The following NMUR2 variants were observed in gnomAD, a reference collection of about 807,000 sequenced individuals.
NMUR2 encodes neuromedin U receptor 2, also known as neuromedin-U receptor 2.
NMUR2 carries 24 observed loss-of-function variants against 25.1 expected under a neutral mutation model. The ratio of observed to expected loss-of-function variants is 0.96; its 90% CI spans 0.69 to 1.34. The LOEUF (loss-of-function observed/expected upper bound fraction) is 1.34, where lower values mean the gene tolerates loss of function less well. Ranked by LOEUF, NMUR2 falls within the 40% of genes most tolerant of loss-of-function variation. The pLI is 0.00. For synonymous variants in NMUR2, 218 were observed against 208.1 expected, an observed-to-expected ratio of 1.05 and a Z score of -0.41; for missense variants, 533 against 512.8, an observed-to-expected ratio of 1.04 and a Z score of -0.38.
At position 152,392,304 on chromosome 5, in the gene NMUR2, C is replaced by A. The variant is rs1440152915; in HGVS notation, c.1135G>T (p.Gly379Cys). ...GATGACTGACATGGGAATTGGGGAC[C>A]TATATCTTCGGTCAGCTCCACAAAG... ...CHFVELTEDI[G>C]PQFPCQSSMH... Residue 379 changes from glycine to cysteine, a missense_variant, in exon 4 of 4, where the codon GGT becomes TGT. Coordinates refer to ENST00000255262, the MANE Select transcript of NMUR2 (RefSeq NM_020167.5). 2.5e-6 allele frequency: 4 copies of A among 1,613,928 alleles called. No homozygotes were observed. Among genetic ancestry groups the A allele is most frequent in the South Asian group, 1.1e-5 (1 of 91,058 alleles).
At position 152,404,936 on chromosome 5, in the gene NMUR2, C is replaced by A. The variant is rs1364625033; in HGVS notation, c.178G>T (p.Val60Phe). The A allele has an allele frequency of 3.1e-6, 5 of 1,613,932 alleles. No homozygotes were observed. The highest frequency in any genetic ancestry group is 1.1e-5 in the South Asian group (1 of 91,068). Residue 60 changes from valine (V) to phenylalanine (F), a missense_variant, in exon 1 of 4, where the codon GTC becomes TTC. Physicochemically the swap from Val to Phe is conservative, Grantham distance 50. Coordinates refer to ENST00000255262, the MANE Select transcript of NMUR2 (RefSeq NM_020167.5). ...AGGCACACCAGGACATTGCCAATGA[C>A]CCCCACCACAAAAATTGGCACATAC... ...VVYVPIFVVGVIGNVLVCLVI... is the reference protein window; with the variant it reads ...VVYVPIFVVGFIGNVLVCLVI...
chr5:152,395,020 G>A lies in NMUR2; in HGVS notation c.937+439C>T, dbSNP rs182236858. Among the ~76,000 whole-genome samples, 6 of 152,166 alleles carry A rather than the reference G, an allele frequency of 3.9e-5. 1 individual carries two copies. In the East Asian group the frequency reaches 9.7e-4, roughly 25 times the overall value. On this transcript the variant is annotated intron_variant, in intron 3 of 3. Coordinates refer to ENST00000255262, the MANE Select transcript of NMUR2 (RefSeq NM_020167.5). ...CAATATACTATGGTATCCTCAACAA[G>A]CAGAGTTACAGTAGCCTAAAAGGAG...
chr5:152,395,426 C>T, intron 3 of NMUR2, 33 bp downstream of exon 3: 2 of 1,612,564 alleles, frequency 1.2e-6, no homozygotes, highest in Non-Finnish European at 1.7e-6. Flanking sequence ...TACCTGAATA[C>T]TAGTCATGCA....
intron 1 of NMUR2, among the ~76,000 whole-genome samples, chr5:152,402,250 G>C (rs1181387227): frequency 6.6e-6 from 1 of 152,114 alleles, no homozygotes; most frequent in African/African-American, 2.4e-5. Flanking sequence ...AAGGCAAAAG[G>C]GGGAGTGGTG....
At chr5:152,402,922 A>T (rs2113103229) in intron 1 of NMUR2, among the ~76,000 whole-genome samples, 2 of 152,262 alleles carry the variant, frequency 1.3e-5, no homozygotes, top group Admixed American at 1.3e-4. Flanking sequence ...TGTTCTTCCT[A>T]CTTAGACCTC....
chr5:152,397,299 T>G (rs1404644784), intron 2 of NMUR2, among the ~76,000 whole-genome samples: 1 of 152,176 alleles, frequency 6.6e-6, no homozygotes, highest in African/African-American at 2.4e-5. Context: ...ATTATAAATC[T>G]CCTTTCCCTC....
At position 152,404,694 on chromosome 5, in the gene NMUR2, G is replaced by C. The variant is rs1469334826; in HGVS notation, c.420C>G (p.Val140=). The change falls in exon 1 of 4, where the codon GTC becomes GTG. Residue 140 remains valine, a synonymous_variant. Coordinates refer to ENST00000255262, the MANE Select transcript of NMUR2 (RefSeq NM_020167.5). ...GGATGGCCACGTAGCGCTCCACGCT[G>C]ACGGTGGTGATGCTGAGGATGGAGG... ...CFASILSITT[V]SVERYVAILH... is the part of the protein sequence containing the mutation. The C allele has an allele frequency of 6.2e-7, 1 of 1,614,010 alleles. No homozygotes were observed. The highest frequency in any genetic ancestry group is 1.3e-5 in the African/African-American group (1 of 74,912).
In NMUR2 at chr5:152,404,587, A is replaced by G. The variant is rs1753317721; in HGVS notation, c.527T>C (p.Leu176Pro). ...ILGIVWGFSV[L>P]FSLPNTSIHG... Reference sequence around the variant, plus strand: ...GATGCTGGTGTTGGGCAGGGAGAAGAGCACGGAGAAGCCCCAGACGATGCC... The same window carrying G: ...GATGCTGGTGTTGGGCAGGGAGAAGGGCACGGAGAAGCCCCAGACGATGCC... Residue 176 changes from leucine (L) to proline (P), a missense_variant, in exon 1 of 4, where the codon CTC (leucine) becomes CCC (proline). Coordinates refer to ENST00000255262, the MANE Select transcript of NMUR2 (RefSeq NM_020167.5). 6.2e-7 allele frequency: 1 copy of G among 1,614,120 alleles called. No homozygotes were observed. The highest frequency in any genetic ancestry group is 1.3e-5 in the African/African-American group (1 of 75,036).
intron 1 of NMUR2, among the ~76,000 whole-genome samples, chr5:152,398,399 C>T (rs150968695): frequency 1.5e-3 from 234 of 152,250 alleles, no homozygotes; most frequent in Middle Eastern, 3.4e-3. Flanking sequence ...GGAAACTTGG[C>T]TGTGTAGCAT....
rs753811088 is a variant in NMUR2, at chr5:152,404,965, A to G, written c.149T>C (p.Val50Ala). 1.9e-6 allele frequency: 3 copies of G among 1,614,080 alleles called. No individual in the cohort carries two copies. In the East Asian group the frequency reaches 6.7e-5, roughly 36 times the overall value. The change falls in exon 1 of 4, where the codon GTG becomes GCG. Residue 50 changes from valine to alanine, a missense_variant. By Grantham distance (64) the Val-to-Ala change is moderately conservative. Transcript: ENST00000255262. ...RRSHFFLPVS[V>A]VYVPIFVVGV... ...CACCACAAAAATTGGCACATACACC[A>G]CAGACACGGGGAGGAAGAAGTGGCT...
chr5:152,392,549 A>G (rs750824595), intron 3 of NMUR2, 48 bp from the exon 4 acceptor site: 4 of 1,447,550 alleles, frequency 2.8e-6, no homozygotes, highest in Non-Finnish European at 2.9e-6. Flanking sequence ...AACTTAAGTG[A>G]CCGGCATGAA....
In NMUR2 at chr5:152,394,472, T is replaced by C. The variant is rs148285350; in HGVS notation, c.937+987A>G. On this transcript the variant is annotated intron_variant, in intron 3 of 3. Coordinates refer to ENST00000255262, the MANE Select transcript of NMUR2 (RefSeq NM_020167.5). ...TGTCTTCTATAATCTAATGAGCCCA[T>C]AGAATCAGCCGGTGACCAGGAGAGG... 1.7e-3 allele frequency among the ~76,000 whole-genome samples: 263 copies of C among 152,290 alleles called. 1 individual carries two copies. Among genetic ancestry groups the C allele is most frequent in the African/African-American group, 6.0e-3 (250 of 41,570 alleles).
chr5:152,393,917 A>G (rs976583179), intron 3 of NMUR2, among the ~76,000 whole-genome samples: 1 of 152,148 alleles, frequency 6.6e-6, no homozygotes. Context: ...AGAACTCTCT[A>G]ATTACCAATT....
intron 1 of NMUR2, among the ~76,000 whole-genome samples, chr5:152,399,093 G>A (rs763269301): frequency 2.4e-4 from 37 of 151,722 alleles, no homozygotes; most frequent in Non-Finnish European, 4.7e-4. Flanking sequence ...TCATCCAGTT[G>A]TGGAAGTTTT....
Position 152,392,230 on chromosome 5 carries a change from T to A in NMUR2, c.1209A>T (p.Ser403=). 1.2e-6 allele frequency: 2 copies of A among 1,613,674 alleles called. No individual in the cohort carries two copies. Among genetic ancestry groups the A allele is most frequent in the South Asian group, 2.2e-5 (2 of 91,046 alleles). The change falls in exon 4 of 4, where the codon TCA becomes TCT. Residue 403 remains serine (S), a synonymous_variant. Coordinates refer to ENST00000255262, the MANE Select transcript of NMUR2 (RefSeq NM_020167.5). ...LPAALSSEQM[S]RTNYQSFHFN... ...AGTGGAAGCTTTGATAGTTTGTTCT[T>A]GACATCTGTTCACTAGAGAGGGCTG...
At chr5:152,396,491 G>A (rs760131855) in intron 2 of NMUR2, among the ~76,000 whole-genome samples, 4 of 152,138 alleles carry the variant, frequency 2.6e-5, no homozygotes, top group Non-Finnish European at 5.9e-5. Flanking sequence ...CACATTCAGA[G>A]TAAGTTGTTT....
chr5:152,395,547 C>G lies in NMUR2; in HGVS notation c.849G>C (p.Pro283=). ...TGAAGAAGAGTCGGTCAATGTGGAA[C>G]GGGGCCCAACAGATAGCAAACACTA... is the stretch of plus-strand genomic sequence containing the variant. ...LVLVFAICWA[P]FHIDRLFFSF... is the part of the protein sequence containing the mutation. Residue 283 remains proline, a synonymous_variant, in exon 3 of 4, where the codon CCG becomes CCC. Transcript: ENST00000255262. 6.2e-7 allele frequency: 1 copy of G among 1,613,496 alleles called. No individual in the cohort carries two copies. Among genetic ancestry groups the G allele is most frequent in the Non-Finnish European group, 8.5e-7 (1 of 1,179,778 alleles).
intron 2 of NMUR2, among the ~76,000 whole-genome samples, chr5:152,396,460 G>T (rs1459904937): frequency 6.6e-6 from 1 of 152,076 alleles, no homozygotes; most frequent in East Asian, 1.9e-4. Context: ...TATTATACAT[G>T]CATTTCCTGT....
At chr5:152,401,290 G>A (rs1427198720) in intron 1 of NMUR2, among the ~76,000 whole-genome samples, 1 of 152,116 alleles carries the variant, frequency 6.6e-6, no homozygotes, top group East Asian at 1.9e-4. Flanking sequence ...TAAAAGTTGT[G>A]ATTACCATTA....
Sources: gnomAD v4.1 joint callset for allele counts (sites outside exome capture counted in the v4.1 genomes callset) on GRCh38, gnomAD v4.1.1 for gene constraint, MANE v1.5 for transcripts, NCBI Gene and HGNC (gene_info 2026-07-23, HGNC 2026-07-21) for gene names.